The following TFCP2 variants were observed in gnomAD, a reference collection of about 807,000 sequenced individuals.
TFCP2 encodes alpha-globin transcription factor CP2.
In TFCP2, 33 loss-of-function variants were observed where a neutral mutation model predicts 73.4. That is an observed-to-expected ratio of 0.45 (90% CI 0.34 to 0.60). The LOEUF (loss-of-function observed/expected upper bound fraction) is 0.60, where lower values mean the gene tolerates loss of function less well. TFCP2 is among the 20% of genes least tolerant of loss of function. The probability of loss-of-function intolerance (pLI) is 0.01; values close to 1 mark genes in which losing one functional copy is unlikely to be tolerated. For synonymous variants in TFCP2, 193 were observed against 211.6 expected, an observed-to-expected ratio of 0.91 and a Z score of 0.76; for missense variants, 352 against 604.0, an observed-to-expected ratio of 0.58 and a Z score of 4.37.
intron 1 of TFCP2, among the ~76,000 whole-genome samples, chr12:51,167,594 T>C (rs1941781368): frequency 6.6e-6 from 1 of 152,162 alleles, no homozygotes. Flanking sequence ...GGTTTTACCA[T>C]GTTGGCCAGG....
In TFCP2 at chr12:51,104,313, G is replaced by A. The variant is rs540341261; in HGVS notation, c.918-110C>T. 1,707 of 902,866 alleles carry A rather than the reference G, an allele frequency of 1.9e-3. 8 individuals carry two copies. The highest frequency in any genetic ancestry group is 2.5e-3 in the Non-Finnish European group (1,439 of 586,126). 55.9% of individuals were successfully genotyped at this position (902,866 alleles called of 1,614,324 possible). A position where few individuals can be genotyped will look rare whatever the true frequency, so the allele number is the denominator to read the frequency against. On this transcript the variant is annotated intron_variant, in intron 8 of 14. Transcript: ENST00000257915. ...CATGCTAGAGATTAAAAAAAAATCTGTGCTCTCTCATAACACATTCTTATT... is the reference window on the plus strand; with the variant it reads ...CATGCTAGAGATTAAAAAAAAATCTATGCTCTCTCATAACACATTCTTATT...
chr12:51,116,290 T>C (rs760487145), intron 4 of TFCP2, 25 bp downstream of exon 4: 1 of 1,395,426 alleles, frequency 7.2e-7, no homozygotes, highest in Non-Finnish European at 1.0e-6. Context: ...AGGCATTTCC[T>C]AGGCAATAGA....
chr12:51,149,241 A>G (rs893724125), intron 1 of TFCP2, among the ~76,000 whole-genome samples: 3 of 152,070 alleles, frequency 2.0e-5, no homozygotes, highest in Admixed American at 6.6e-5. Flanking sequence ...ATGTTTAAGT[A>G]TAATACAATG....
chr12:51,107,415 A>C, intron 6 of TFCP2, 69 bp from the exon 7 acceptor site: 1 of 1,292,480 alleles, frequency 7.7e-7, no homozygotes, highest in South Asian at 1.3e-5. Context: ...GCTTCCAAAA[A>C]CTTAAATATT....
chr12:51,105,453 G>A (rs1940211212), intron 8 of TFCP2, among the ~76,000 whole-genome samples: 1 of 152,070 alleles, frequency 6.6e-6, no homozygotes, highest in South Asian at 2.1e-4. Context: ...CTACTTTTAT[G>A]GAAGAAAAAG....
chr12:51,106,644 C>G (rs374733496), intron 7 of TFCP2, 31 bp from the exon 8 acceptor site: 3 of 1,569,494 alleles, frequency 1.9e-6, no homozygotes, highest in Non-Finnish European at 2.6e-6. Flanking sequence ...AGATAATGAA[C>G]GAGCACATAT....
chr12:51,132,929 G>A (rs1940980570), intron 1 of TFCP2, among the ~76,000 whole-genome samples: 1 of 152,144 alleles, frequency 6.6e-6, no homozygotes, highest in African/African-American at 2.4e-5. Context: ...TCAGCCTGCT[G>A]ATACCACATG....
chr12:51,117,660 A>C lies in TFCP2; in HGVS notation c.351+11T>G. On this transcript the variant is annotated intron_variant, in intron 3 of 14. Coordinates refer to ENST00000257915, the MANE Select transcript of TFCP2 (RefSeq NM_005653.5). Reference sequence around the variant, plus strand: ...AAAATATTGTACAGAAGAATGATTTATTCGTTTTACCTTCACCAATTTGCC... The same window carrying C: ...AAAATATTGTACAGAAGAATGATTTCTTCGTTTTACCTTCACCAATTTGCC... 6.3e-7 allele frequency: 1 copy of C among 1,598,788 alleles called. No individual in the cohort carries two copies. Among genetic ancestry groups the C allele is most frequent in the African/African-American group, 1.3e-5 (1 of 74,712 alleles).
At chr12:51,113,688 T>C (rs963312434) in intron 4 of TFCP2, among the ~76,000 whole-genome samples, 9 of 152,174 alleles carry the variant, frequency 5.9e-5, no homozygotes, top group African/African-American at 2.2e-4. Flanking sequence ...TAGTGAGGTA[T>C]AGGCATAAAG....
chr12:51,139,012 G>T (rs916255901), intron 1 of TFCP2, among the ~76,000 whole-genome samples: 1 of 152,168 alleles, frequency 6.6e-6, no homozygotes, highest in Admixed American at 6.5e-5. Flanking sequence ...TAACCAGTTA[G>T]ACCTGATGAT....
chr12:51,160,820 TATC>T (rs748641212), intron 1 of TFCP2, among the ~76,000 whole-genome samples: 5 of 152,204 alleles, frequency 3.3e-5, no homozygotes, highest in Non-Finnish European at 7.3e-5. Flanking sequence ...AATAGCATCT[TATC>T]ATTCTCTAGC....
At chr12:51,166,246 C>T (rs1007942713) in intron 1 of TFCP2, among the ~76,000 whole-genome samples, 3 of 147,032 alleles carry the variant, frequency 2.0e-5, no homozygotes, top group Non-Finnish European at 3.0e-5. Context: ...AGCTGGGAGG[C>T]AGTTGCAGTG....
chr12:51,111,723 C>T (rs1367244265), intron 4 of TFCP2, among the ~76,000 whole-genome samples: 1 of 151,480 alleles, frequency 6.6e-6, no homozygotes, highest in African/African-American at 2.4e-5. Context: ...CCGTGGTGGC[C>T]CACACCTGTA....
intron 1 of TFCP2, among the ~76,000 whole-genome samples, chr12:51,144,246 C>T (rs953489597): frequency 1.3e-5 from 2 of 152,018 alleles, no homozygotes; most frequent in African/African-American, 4.8e-5. Context: ...GTTGCCTAGC[C>T]TGGTCTCAAA....
At chr12:51,111,582 A>C (rs1940400640) in intron 4 of TFCP2, among the ~76,000 whole-genome samples, 1 of 152,056 alleles carries the variant, frequency 6.6e-6, no homozygotes, top group Non-Finnish European at 1.5e-5. Context: ...TTGGCCAGGC[A>C]CGGTGGCTCA....
At chr12:51,106,380 T>C in intron 8 of TFCP2, 145 bp downstream of exon 8, 1 of 583,532 alleles carries the variant, frequency 1.7e-6, no homozygotes, top group Non-Finnish European at 2.9e-6. Flanking sequence ...TTGAAGCTAC[T>C]CCAAATCTCA....
intron 5 of TFCP2, among the ~76,000 whole-genome samples, chr12:51,110,477 G>A (rs997872714): frequency 6.6e-6 from 1 of 152,174 alleles, no homozygotes; most frequent in African/African-American, 2.4e-5. Context: ...GCTGAGGCAA[G>A]AGAATCGCTT....
At chr12:51,149,608 C>A (rs951717144) in intron 1 of TFCP2, among the ~76,000 whole-genome samples, 7 of 151,570 alleles carry the variant, frequency 4.6e-5, no homozygotes, top group African/African-American at 1.7e-4. Flanking sequence ...AATTTTTTTT[C>A]TTTTTTTTCG....
At chr12:51,158,557 C>T (rs1403076268) in intron 1 of TFCP2, among the ~76,000 whole-genome samples, 5 of 151,990 alleles carry the variant, frequency 3.3e-5, no homozygotes, top group East Asian at 2.0e-4. Context: ...GGCACGATCT[C>T]GGCTCACTGC....
Sources: allele counts gnomAD v4.1 joint callset (sites outside exome capture counted in the v4.1 genomes callset), GRCh38; gene constraint gnomAD v4.1.1; transcripts MANE v1.5; gene names NCBI Gene and HGNC (gene_info 2026-07-23, HGNC 2026-07-21).